The following LPP variants were observed in gnomAD, a reference collection of about 807,000 sequenced individuals.
The protein encoded by LPP is LIM domain containing preferred translocation partner in lipoma.
In LPP, 38 loss-of-function variants were observed where a neutral mutation model predicts 60.4. The ratio of observed to expected loss-of-function variants is 0.63; its 90% CI spans 0.49 to 0.83. The LOEUF is 0.83. Ranked by LOEUF, LPP falls within the 40% of genes least tolerant of loss-of-function variation. The pLI is 0.00. For synonymous variants in LPP, 328 were observed against 290.8 expected (o/e 1.13, Z -1.30); for missense variants, 902 against 783.6 (o/e 1.15, Z -1.80).
intron 8 of LPP, among the ~76,000 whole-genome samples, chr3:188,722,053 T>TGG: frequency 6.6e-6 from 1 of 152,198 alleles, no homozygotes; most frequent in East Asian, 1.9e-4. Context: ...CTCAGAGTTC[T>TGG]GGAGAATTGT....
chr3:188,648,866 G>A (rs1369712751), intron 7 of LPP, among the ~76,000 whole-genome samples: 3 of 152,024 alleles, frequency 2.0e-5, no homozygotes, highest in African/African-American at 4.8e-5. Flanking sequence ...GGTTGTATTG[G>A]TTTCTTAGCT....
chr3:188,170,701 C>T (rs1023214172), intron 1 of LPP, among the ~76,000 whole-genome samples: 2 of 152,140 alleles, frequency 1.3e-5, no homozygotes, highest in Non-Finnish European at 2.9e-5. Flanking sequence ...TTGTCATCTA[C>T]CACTTCCTCC....
intron 4 of LPP, among the ~76,000 whole-genome samples, chr3:188,460,919 C>A (rs1798827334): frequency 6.6e-6 from 1 of 152,104 alleles, no homozygotes; most frequent in Non-Finnish European, 1.5e-5. Flanking sequence ...GAGATACTCT[C>A]ATCTGGAGAA....
chr3:188,153,698 G>C (rs1392049103), upstream of LPP: 1 of 152,346 alleles, frequency 6.6e-6, no homozygotes, highest in Non-Finnish European at 1.5e-5. Flanking sequence ...TGCCGGCTGC[G>C]GGTTTCCCCT....
intron 3 of LPP, among the ~76,000 whole-genome samples, chr3:188,354,698 T>G (rs750580892): frequency 3.3e-5 from 5 of 152,220 alleles, no homozygotes; most frequent in Non-Finnish European, 7.3e-5. Context: ...GGCACTCTTG[T>G]AAACTTTCTA....
intron 7 of LPP, among the ~76,000 whole-genome samples, chr3:188,688,111 C>T (rs1189630349): frequency 6.6e-6 from 1 of 152,134 alleles, no homozygotes; most frequent in Non-Finnish European, 1.5e-5. Flanking sequence ...CTTAGTTTTT[C>T]CAAAGTACTT....
chr3:188,562,074 GACACA>G lies in LPP; in HGVS notation c.429+37288_429+37292del, dbSNP rs1560567279. On this transcript the variant is annotated intron_variant, in intron 6 of 11. Transcript: ENST00000617246. ...ACACAGACACACACAGACACACACA[GACACA>G]CACACACATACAAACACACACACTC... Among the ~76,000 whole-genome samples, 14 of 50,568 alleles carry G rather than the reference GACACA, an allele frequency of 2.8e-4. No individual in the cohort carries two copies. In the East Asian group the frequency reaches 0.24, roughly 872 times the overall value. The allele number at this position is 50,568 out of a possible 152,430, so 33.2% of individuals were successfully genotyped here.
chr3:188,320,494 T>C (rs1756606545), intron 2 of LPP, among the ~76,000 whole-genome samples: 1 of 152,052 alleles, frequency 6.6e-6, no homozygotes, highest in South Asian at 2.1e-4. Context: ...AGAAACCACA[T>C]CTCCAATAGA....
chr3:188,566,911 A>G (rs1832302715), intron 6 of LPP, among the ~76,000 whole-genome samples: 1 of 151,936 alleles, frequency 6.6e-6, no homozygotes, highest in Non-Finnish European at 1.5e-5. Context: ...CAGATAAATG[A>G]AAGGATTTAG....
At chr3:188,492,215 T>C (rs1808576617) in intron 5 of LPP, among the ~76,000 whole-genome samples, 1 of 152,344 alleles carries the variant, frequency 6.6e-6, no homozygotes, top group East Asian at 1.9e-4. Context: ...TGCTTGCATA[T>C]TTCAGAACAT....
rs767614378 is a variant in LPP, at chr3:188,663,258, G to A, written c.1114-45009G>A. On this transcript the variant is annotated intron_variant, in intron 7 of 11. Coordinates refer to ENST00000617246, the MANE Select transcript of LPP (RefSeq NM_001375462.1). ...ATCTTGGATCTGATTAAAGGGCCTT[G>A]TGGTGTCTGGCATTTACAGCTTTGT... Among the ~76,000 whole-genome samples the A allele has an allele frequency of 3.0e-4, 46 of 152,312 alleles. 1 individual carries two copies. In the Middle Eastern group the frequency reaches 0.017, roughly 56 times the overall value.
intron 3 of LPP, among the ~76,000 whole-genome samples, chr3:188,364,920 T>C (rs977506929): frequency 7.5e-6 from 1 of 132,498 alleles, no homozygotes; most frequent in African/African-American, 2.5e-5. Context: ...TTCTAATAAA[T>C]GTATTTCAAA....
At chr3:188,558,965 G>A (rs149785851) in intron 6 of LPP, among the ~76,000 whole-genome samples, 1 of 152,042 alleles carries the variant, frequency 6.6e-6, no homozygotes, top group East Asian at 1.9e-4. Context: ...TGACTTTTTT[G>A]TATCAAATAG....
intron 1 of LPP, chr3:188,179,306 C>T (rs1724183834): frequency 2.2e-6 from 1 of 458,280 alleles, no homozygotes; most frequent in African/African-American, 2.0e-5. Context: ...GTGCATGTGC[C>T]TCTGATGAGC....
chr3:188,526,807 G>A (rs563110352), intron 6 of LPP, among the ~76,000 whole-genome samples: 117 of 152,174 alleles, frequency 7.7e-4, no homozygotes, highest in Admixed American at 1.0e-3. Flanking sequence ...TGGGGGAACC[G>A]ATGAGGCAAA....
intron 6 of LPP, among the ~76,000 whole-genome samples, chr3:188,542,218 C>A (rs1323148873): frequency 2.0e-5 from 3 of 152,156 alleles, no homozygotes; most frequent in African/African-American, 7.2e-5. Context: ...ATATTAATAC[C>A]TCCTCTGCTT....
At chr3:188,746,142 T>C (rs1316376931) in intron 8 of LPP, among the ~76,000 whole-genome samples, 2 of 152,186 alleles carry the variant, frequency 1.3e-5, no homozygotes, top group Admixed American at 6.5e-5. Flanking sequence ...TGTTTACCCC[T>C]TTCAGATATT....
chr3:188,375,805 C>A (rs1429953207), intron 3 of LPP, among the ~76,000 whole-genome samples: 1 of 152,004 alleles, frequency 6.6e-6, no homozygotes, highest in Non-Finnish European at 1.5e-5. Flanking sequence ...GTTAGGGTGT[C>A]AATTTTAGAT....
chr3:188,704,975 AC>A (rs1188737476), intron 7 of LPP, among the ~76,000 whole-genome samples: 3 of 151,950 alleles, frequency 2.0e-5, no homozygotes, highest in Non-Finnish European at 2.9e-5. Context: ...TCCCACTCAC[AC>A]CAAACTACGT....
Sources: gnomAD v4.1 joint callset for allele counts (sites outside exome capture counted in the v4.1 genomes callset) on GRCh38, gnomAD v4.1.1 for gene constraint, MANE v1.5 for transcripts, NCBI Gene and HGNC (gene_info 2026-07-23, HGNC 2026-07-21) for gene names.